SECISBP2: variants seen among roughly 807,000 people sequenced by gnomAD.
SECISBP2 encodes selenocysteine insertion sequence-binding protein 2.
Under a neutral mutation model 98.2 loss-of-function variants are expected in SECISBP2, and 96 were observed. The ratio of observed to expected loss-of-function variants is 0.98; its 90% confidence interval spans 0.83 to 1.16. SECISBP2 has a LOEUF of 1.16. SECISBP2 is among the 50% of genes most tolerant of loss of function. The probability of loss-of-function intolerance (pLI) is 0.00; values close to 1 mark genes in which losing one functional copy is unlikely to be tolerated. For synonymous variants in SECISBP2, 407 were observed against 370.2 expected, an observed-to-expected ratio of 1.10 and a Z score of -1.14; for missense variants, 1,046 against 1,022.9, an observed-to-expected ratio of 1.02 and a Z score of -0.31.
chr9:89,363,127 T>C (rs76341712), downstream of SECISBP2, among the ~76,000 whole-genome samples: 1 of 152,130 alleles, frequency 6.6e-6, no homozygotes, highest in African/African-American at 2.4e-5. Context: ...GTACAGAGAA[T>C]GGGGTGGTCG....
intron 12 of SECISBP2, among the ~76,000 whole-genome samples, chr9:89,349,005 CTG>C (rs1830859289): frequency 1.3e-5 from 2 of 152,346 alleles, no homozygotes; most frequent in South Asian, 4.1e-4. Flanking sequence ...GCACTCGTTC[CTG>C]TGGGGCATTA....
At chr9:89,335,210 C>T (rs956739969) in intron 7 of SECISBP2, among the ~76,000 whole-genome samples, 9 of 140,394 alleles carry the variant, frequency 6.4e-5, no homozygotes, top group African/African-American at 1.1e-4. Context: ...AGTGAGACGT[C>T]GTCTGAAAAA....
In SECISBP2 at chr9:89,350,577, G is replaced by A. The variant is rs1045115111; in HGVS notation, c.1893-55G>A. 3.2e-5 allele frequency: 48 copies of A among 1,492,272 alleles called. No homozygotes were observed. The African/African-American group carries it at 6.1e-4, about 19-fold the overall frequency. The allele number at this position is 1,492,272 out of a possible 1,614,324, so 92.4% of individuals were successfully genotyped here. On this transcript the variant is annotated intron_variant, in intron 13 of 16. Coordinates refer to ENST00000375807, the MANE Select transcript of SECISBP2 (RefSeq NM_024077.5). ...TTCTCCCTGGGGTGGGATGGGAGCA[G>A]TGCTGCAGTGTCACAGCCAGTGGCA...
intron 2 of SECISBP2, chr9:89,324,042 T>C (rs536119585): frequency 6.6e-6 from 1 of 152,368 alleles, no homozygotes; most frequent in African/African-American, 2.4e-5. Context: ...TGTTCATTTA[T>C]CTATTTATTG....
At chr9:89,357,653 GC>G in intron 15 of SECISBP2, 88 bp downstream of exon 15, 1 of 1,523,494 alleles carries the variant, frequency 6.6e-7, no homozygotes, top group Non-Finnish European at 9.1e-7. Flanking sequence ...CCACAGAGCA[GC>G]CCCAGAACCT....
chr9:89,360,290 C>G (rs1281873138), downstream of SECISBP2, among the ~76,000 whole-genome samples: 1 of 152,114 alleles, frequency 6.6e-6, no homozygotes, highest in African/African-American at 2.4e-5. Flanking sequence ...TTCCTGCTTC[C>G]TCCTCCCCTC....
chr9:89,332,979 T>C lies in SECISBP2; in HGVS notation c.873T>C (p.Cys291=). The change falls in exon 6 of 17, where the codon TGT becomes TGC. Residue 291 remains cysteine (C), a synonymous_variant. Coordinates refer to ENST00000375807, the MANE Select transcript of SECISBP2 (RefSeq NM_024077.5). ...ATGCCGCTACCAATTCTCCTTCATGTACAAGAGGTAAAAGTGGCTGCAAAA... is the reference window on the plus strand; with the variant it reads ...ATGCCGCTACCAATTCTCCTTCATGCACAAGAGGTAAAAGTGGCTGCAAAA... The part of the protein sequence containing the change: ...TANAATNSPS[C]TRELSWTPMG... The C allele has an allele frequency of 6.2e-7, 1 of 1,613,560 alleles. No individual in the cohort carries two copies. The highest frequency in any genetic ancestry group is 8.5e-7 in the Non-Finnish European group (1 of 1,179,544).
chr9:89,328,564 A>C (rs1182323996), intron 4 of SECISBP2, 96 bp from the exon 5 acceptor site: 3 of 878,492 alleles, frequency 3.4e-6, no homozygotes, highest in Non-Finnish European at 5.7e-6. Context: ...TGTTGCATCA[A>C]TAGCAATAGT....
chr9:89,325,899 G>GA lies in SECISBP2; in HGVS notation c.439dup (p.Thr147AsnfsTer3). The GA allele has an allele frequency of 1.2e-6, 2 of 1,613,826 alleles. No homozygotes were observed. The highest frequency in any genetic ancestry group is 1.7e-6 in the Non-Finnish European group (2 of 1,179,954). ...TTGCTTTTTAATCTTTCCTGCAGAAGAAAACCTATGATGAGAAAAAAACGT... is the reference window on the plus strand; with the variant it reads ...TTGCTTTTTAATCTTTCCTGCAGAAGAAAAACCTATGATGAGAAAAAAACGT... On this transcript the variant is annotated frameshift_variant, in exon 4 of 17. Transcript: ENST00000375807. LOFTEE classifies it high-confidence loss of function.
intron 1 of SECISBP2, chr9:89,318,814 C>T (rs948840954): frequency 1.1e-5 from 14 of 1,272,672 alleles, no homozygotes; most frequent in Admixed American, 4.2e-5. Context: ...GCTACAGACC[C>T]CGCCCACAGT....
chr9:89,332,999 G>A lies in SECISBP2; in HGVS notation c.880+13G>A, dbSNP rs138891603. The A allele has an allele frequency of 1.9e-6, 3 of 1,605,712 alleles. No individual in the cohort carries two copies. In the African/African-American group the frequency reaches 4.0e-5, roughly 22 times the overall value. On this transcript the variant is annotated intron_variant, in intron 6 of 16. Coordinates refer to ENST00000375807, the MANE Select transcript of SECISBP2 (RefSeq NM_024077.5). ...TCATGTACAAGAGGTAAAAGTGGCT[G>A]CAAAAATGTTAATTTTTAAAATGTC...
At chr9:89,341,286 TA>T in intron 9 of SECISBP2, 60 bp from the exon 10 acceptor site, 2 of 1,511,890 alleles carry the variant, frequency 1.3e-6, no homozygotes, top group Non-Finnish European at 1.8e-6. Flanking sequence ...CAGTTTTTTG[TA>T]AAAAGAAAAG....
At chr9:89,327,227 G>A (rs1418878188) in intron 4 of SECISBP2, among the ~76,000 whole-genome samples, 1 of 152,142 alleles carries the variant, frequency 6.6e-6, no homozygotes, top group Non-Finnish European at 1.5e-5. Context: ...AATGGAGCTG[G>A]CAGAACTGGA....
At chr9:89,356,086 G>GCACA (rs1195731587) in intron 14 of SECISBP2, among the ~76,000 whole-genome samples, 1 of 152,230 alleles carries the variant, frequency 6.6e-6, no homozygotes, top group East Asian at 1.9e-4. Context: ...ATTATCTGGG[G>GCACA]CCTGTTAGGA....
At position 89,330,605 on chromosome 9, in the gene SECISBP2, C is replaced by T. The variant is rs1827586417; in HGVS notation, c.801+1719C>T. On this transcript the variant is annotated intron_variant, in intron 5 of 16. Transcript: ENST00000375807. ...AGGCCATTGTGTAGCAGTTTGCATG[C>T]AGGACCCTCATACAGTTGTACCCTC... Among the ~76,000 whole-genome samples the T allele has an allele frequency of 2.0e-5, 3 of 152,320 alleles. No homozygotes were observed. The South Asian group carries it at 6.2e-4, about 32-fold the overall frequency.
rs1349889833 is a variant in SECISBP2 at position 89,325,725 on chromosome 9, G to A, written c.432+49G>A. 8.7e-6 allele frequency: 14 copies of A among 1,612,610 alleles called. 1 individual carries two copies. In the South Asian group the frequency reaches 1.3e-4, roughly 15 times the overall value. Reference sequence around the variant, plus strand: ...GTGTCCTTTAGTTGGTTGCTTTAATGTTTAAAATGTAAAGAAATGGTAAAT... The same window carrying A: ...GTGTCCTTTAGTTGGTTGCTTTAATATTTAAAATGTAAAGAAATGGTAAAT... On this transcript the variant is annotated intron_variant, in intron 3 of 16. Coordinates refer to ENST00000375807, the MANE Select transcript of SECISBP2 (RefSeq NM_024077.5).
Position 89,358,192 on chromosome 9 carries a change from G to A in SECISBP2, c.2461+1G>A. ...AAAGAAAAAGAAGAGCCACACTACAGTGAGTGCTTAAGGGAGAGTTGTGTC... is the reference window on the plus strand; with the variant it reads ...AAAGAAAAAGAAGAGCCACACTACAATGAGTGCTTAAGGGAGAGTTGTGTC... On this transcript the variant is annotated splice_donor_variant, in intron 16 of 16. Coordinates refer to ENST00000375807, the MANE Select transcript of SECISBP2 (RefSeq NM_024077.5). LOFTEE classifies it high-confidence loss of function. The A allele has an allele frequency of 6.2e-7, 1 of 1,611,330 alleles. No homozygotes were observed. The highest frequency in any genetic ancestry group is 1.3e-5 in the African/African-American group (1 of 74,812).
intron 7 of SECISBP2, 69 bp downstream of exon 7, chr9:89,334,799 GTTA>G: frequency 8.6e-7 from 1 of 1,158,730 alleles, no homozygotes; most frequent in South Asian, 1.2e-5. Flanking sequence ...GGAATGAGAA[GTTA>G]TTTATTAATG....
intron 14 of SECISBP2, among the ~76,000 whole-genome samples, chr9:89,352,858 G>A (rs1451560757): frequency 6.9e-6 from 1 of 145,068 alleles, no homozygotes; most frequent in Non-Finnish European, 1.5e-5. Flanking sequence ...TTTTAATCAC[G>A]TTGCTGCTGC....
Sources: gnomAD v4.1 joint callset for allele counts (sites outside exome capture counted in the v4.1 genomes callset) on GRCh38, gnomAD v4.1.1 for gene constraint, MANE v1.5 for transcripts, NCBI Gene and HGNC (gene_info 2026-07-23, HGNC 2026-07-21) for gene names.